NRXN1: variants seen among roughly 807,000 people sequenced by gnomAD.
The protein encoded by NRXN1 is neurexin 1.
NRXN1 carries 39 observed loss-of-function variants against 150.9 expected under a neutral mutation model. The observed-to-expected ratio is 0.26, with a 90% confidence interval of 0.20 to 0.34. NRXN1 has a LOEUF of 0.34. Among genes scored for constraint, NRXN1 ranks in the 10% least tolerant of loss-of-function variants. NRXN1 has a pLI of 1.00. For synonymous variants in NRXN1, 924 were observed against 757.0 expected (o/e 1.22, Z -3.62); for missense variants, 1,815 against 1,949.9 (o/e 0.93, Z 1.30).
intron 21 of NRXN1, among the ~76,000 whole-genome samples, chr2:50,011,314 G>A (rs1339250454): frequency 6.6e-6 from 1 of 152,072 alleles, no homozygotes. Flanking sequence ...TGGAAGATTT[G>A]GAGCTGTGCT....
At chr2:49,951,924 C>T (rs930760302) in intron 21 of NRXN1, among the ~76,000 whole-genome samples, 2 of 151,956 alleles carry the variant, frequency 1.3e-5, no homozygotes, top group Non-Finnish European at 2.9e-5. Context: ...ACTAGCATGA[C>T]TCCAAATCCA....
intron 8 of NRXN1, among the ~76,000 whole-genome samples, chr2:50,565,158 G>T (rs1286069572): frequency 6.6e-6 from 1 of 152,054 alleles, no homozygotes; most frequent in Non-Finnish European, 1.5e-5. Flanking sequence ...GGTAGCTCAA[G>T]AATGGAAGGG....
rs201370883 is a variant in NRXN1 at position 50,053,251 on chromosome 2, A to G, written c.4128+20T>C. On this transcript the variant is annotated intron_variant, in intron 21 of 22. Coordinates refer to ENST00000401669, the MANE Select transcript of NRXN1 (RefSeq NM_001330078.2). ...AAATAATATAGGATGAAAATGAAGGAATAAAATCCACAGGCTCACCTGGCT... is the reference window on the plus strand; with the variant it reads ...AAATAATATAGGATGAAAATGAAGGGATAAAATCCACAGGCTCACCTGGCT... The G allele has an allele frequency of 6.2e-7, 1 of 1,612,632 alleles. No homozygotes were observed. Among genetic ancestry groups the G allele is most frequent in the East Asian group, 2.2e-5 (1 of 44,872 alleles).
At chr2:49,959,830 C>T (rs968057135) in intron 21 of NRXN1, among the ~76,000 whole-genome samples, 1 of 152,126 alleles carries the variant, frequency 6.6e-6, no homozygotes, top group Non-Finnish European at 1.5e-5. Context: ...CTGAAAATAA[C>T]GTTTCTTAAT....
intron 18 of NRXN1, among the ~76,000 whole-genome samples, chr2:50,096,689 T>C (rs768501443): frequency 6.6e-6 from 1 of 152,196 alleles, no homozygotes; most frequent in Non-Finnish European, 1.5e-5. Flanking sequence ...ATGAAGACTT[T>C]CCATGGATTC....
intron 18 of NRXN1, among the ~76,000 whole-genome samples, chr2:50,139,619 A>G (rs1229135457): frequency 1.3e-5 from 2 of 152,108 alleles, no homozygotes; most frequent in Non-Finnish European, 2.9e-5. Context: ...AACAAAACAA[A>G]ACAAAACACC....
chr2:50,538,587 C>A lies in NRXN1; in HGVS notation c.1809G>T (p.Glu603Asp). The change falls in exon 10 of 23, where the codon GAG becomes GAT. Residue 603 changes from glutamate (E) to aspartate (D), a missense_variant. Coordinates refer to ENST00000401669, the MANE Select transcript of NRXN1 (RefSeq NM_001330078.2). ...TLRTPYTAPGESEILDLDDEL... is the reference protein window; with the variant it reads ...TLRTPYTAPGDSEILDLDDEL... ...CATCATCCAGGTCCAGAATCTCACT[C>A]TCACCAGGAGCAGTGTAGGGAGTAC... is the stretch of plus-strand genomic sequence containing the variant. The A allele has an allele frequency of 1.3e-6, 2 of 1,555,584 alleles. No homozygotes were observed. The highest frequency in any genetic ancestry group is 1.7e-6 in the Non-Finnish European group (2 of 1,149,680).
intron 18 of NRXN1, among the ~76,000 whole-genome samples, chr2:50,112,316 T>C (rs896411695): frequency 5.3e-5 from 8 of 152,208 alleles, no homozygotes; most frequent in African/African-American, 1.9e-4. Context: ...TGTATCACTA[T>C]GCTTAATGGA....
intron 18 of NRXN1, among the ~76,000 whole-genome samples, chr2:50,122,670 T>C (rs1704027490): frequency 6.6e-6 from 1 of 152,238 alleles, no homozygotes; most frequent in Non-Finnish European, 1.5e-5. Flanking sequence ...AAGACTCATT[T>C]CCAGCTCCCA....
At chr2:50,433,152 T>C (rs1434688060) in intron 17 of NRXN1, among the ~76,000 whole-genome samples, 2 of 152,226 alleles carry the variant, frequency 1.3e-5, no homozygotes, top group African/African-American at 2.4e-5. Context: ...TATGGAAAGA[T>C]GTAAAGCTCC....
At chr2:50,803,943 C>T (rs1275173316) in intron 5 of NRXN1, among the ~76,000 whole-genome samples, 1 of 152,140 alleles carries the variant, frequency 6.6e-6, no homozygotes, top group African/African-American at 2.4e-5. Flanking sequence ...CTGTATCACT[C>T]TCATAAACTT....
intron 2 of NRXN1, among the ~76,000 whole-genome samples, chr2:51,023,007 A>C (rs961578801): frequency 6.6e-6 from 1 of 152,166 alleles, no homozygotes; most frequent in African/African-American, 2.4e-5. Flanking sequence ...AGGTAGAACC[A>C]AAGTGTTCTG....
Position 50,538,411 on chromosome 2 carries a change from A to G in NRXN1, c.1985T>C (p.Val662Ala), listed in dbSNP as rs2105259448. 2.5e-6 allele frequency: 4 copies of G among 1,613,896 alleles called. No individual in the cohort carries two copies. The highest frequency in any genetic ancestry group is 3.4e-6 in the Non-Finnish European group (4 of 1,179,858). Residue 662 changes from valine (V) to alanine (A), a missense_variant, in exon 10 of 23, where the codon GTT becomes GCT. By Grantham distance (64) the Val-to-Ala change is moderately conservative. Transcript: ENST00000401669. ...QSKDIRQMAE[V>A]QSTAGVKPSC... ...AGGCTTCACTCCAGCAGTACTTTGA[A>G]CTTCAGCCATTTGCCGGATATCTTT...
In NRXN1 at chr2:50,424,875, T is replaced by C. The variant is rs75012321; in HGVS notation, c.3364+40567A>G. 8.3e-3 allele frequency among the ~76,000 whole-genome samples: 1,267 copies of C among 152,284 alleles called. 41 individuals carry two copies. In the East Asian group the frequency reaches 0.11, roughly 14 times the overall value. ...TACCAGTAATATCAGTTATTTCGTA[T>C]TGCATAATATTTTTCTGTTAAAAAA... On this transcript the variant is annotated intron_variant, in intron 17 of 22. Coordinates refer to ENST00000401669, the MANE Select transcript of NRXN1 (RefSeq NM_001330078.2).
At chr2:51,031,917 A>G (rs1375616462) in intron 1 of NRXN1, 64 bp downstream of exon 1, 2 of 152,190 alleles carry the variant, frequency 1.3e-5, no homozygotes, top group African/African-American at 2.4e-5. Context: ...CAATGGGGAA[A>G]GATATCCTTC....
At chr2:50,464,533 T>C (rs1227179300) in intron 17 of NRXN1, 4 of 151,918 alleles carry the variant, frequency 2.6e-5, no homozygotes, top group African/African-American at 9.7e-5. Context: ...TAAATCCACA[T>C]TCAAATTCAG....
At chr2:50,542,173 C>T (rs1369180804) in intron 9 of NRXN1, among the ~76,000 whole-genome samples, 1 of 152,168 alleles carries the variant, frequency 6.6e-6, no homozygotes, top group Middle Eastern at 3.4e-3. Flanking sequence ...CTCAGCTACT[C>T]GGGAGGCTGA....
intron 17 of NRXN1, among the ~76,000 whole-genome samples, chr2:50,397,694 A>C (rs2082135835): frequency 6.6e-6 from 1 of 152,126 alleles, no homozygotes; most frequent in South Asian, 2.1e-4. Flanking sequence ...TTTTCTGGCT[A>C]CTGTCAGTAA....
At chr2:50,521,766 C>T (rs893089345) in intron 12 of NRXN1, among the ~76,000 whole-genome samples, 2 of 152,158 alleles carry the variant, frequency 1.3e-5, no homozygotes, top group African/African-American at 4.8e-5. Flanking sequence ...GCTTGCTGCT[C>T]CTACATCTGC....
Sources: gnomAD v4.1 joint callset for allele counts (sites outside exome capture counted in the v4.1 genomes callset) on GRCh38, gnomAD v4.1.1 for gene constraint, MANE v1.5 for transcripts, NCBI Gene and HGNC (gene_info 2026-07-23, HGNC 2026-07-21) for gene names.